The following SLC4A4 variants were observed in gnomAD, a reference collection of about 807,000 sequenced individuals.
The protein encoded by SLC4A4 is electrogenic sodium bicarbonate cotransporter 1.
Under a neutral mutation model 111.5 loss-of-function variants are expected in SLC4A4, and 27 were observed. The ratio of observed to expected loss-of-function variants is 0.24; its 90% confidence interval spans 0.18 to 0.33. The LOEUF is 0.33. Ranked by LOEUF, SLC4A4 falls within the 10% of genes least tolerant of loss-of-function variation. The pLI, the probability that SLC4A4 is intolerant of heterozygous loss-of-function variation, is 1.00. For synonymous variants in SLC4A4, 443 were observed against 463.4 expected, an observed-to-expected ratio of 0.96 and a Z score of 0.57; for missense variants, 909 against 1,315.5, an observed-to-expected ratio of 0.69 and a Z score of 4.78.
chr4:71,365,206 C>T (rs373618286), intron 6 of SLC4A4, among the ~76,000 whole-genome samples: 4 of 152,130 alleles, frequency 2.6e-5, no homozygotes, highest in African/African-American at 9.7e-5. Context: ...ATTCTCTTTG[C>T]GTTTATGCTA....
intron 1 of SLC4A4, among the ~76,000 whole-genome samples, chr4:71,227,281 G>A (rs1452289220): frequency 6.6e-6 from 1 of 152,158 alleles, no homozygotes; most frequent in African/African-American, 2.4e-5. Flanking sequence ...TGTATGGCAT[G>A]GGGATGGTAG....
chr4:71,378,607 G>T (rs984662904), intron 6 of SLC4A4, among the ~76,000 whole-genome samples: 1 of 152,210 alleles, frequency 6.6e-6, no homozygotes, highest in African/African-American at 2.4e-5. Flanking sequence ...CTAAATACTT[G>T]AATTCGTTTG....
chr4:71,255,173 T>C (rs1253389506), intron 2 of SLC4A4, 47 bp from the exon 3 acceptor site: 3 of 1,524,136 alleles, frequency 2.0e-6, no homozygotes, highest in East Asian at 4.5e-5. Flanking sequence ...TTGTCTGCAG[T>C]AGAGAATGTG....
chr4:71,203,957 A>G (rs887096128), intron 1 of SLC4A4, among the ~76,000 whole-genome samples: 12 of 152,206 alleles, frequency 7.9e-5, no homozygotes, highest in Non-Finnish European at 1.6e-4. Context: ...CAGAAGAGGA[A>G]AGATACCTAA....
chr4:71,255,447 T>C (rs1363608139), intron 3 of SLC4A4, 48 bp downstream of exon 3: 7 of 1,582,850 alleles, frequency 4.4e-6, no homozygotes, highest in African/African-American at 1.3e-5. Flanking sequence ...CACTCCCACA[T>C]CTTTGAGAAG....
At chr4:71,226,168 T>C (rs993768263) in intron 1 of SLC4A4, among the ~76,000 whole-genome samples, 4 of 152,208 alleles carry the variant, frequency 2.6e-5, no homozygotes, top group African/African-American at 9.7e-5. Flanking sequence ...GATCTCACTA[T>C]GTTGCATAGG....
rs1728104387 is a variant in SLC4A4, at chr4:71,332,638, G to C, written c.254-6732G>C. Reference sequence around the variant, plus strand: ...TTTTTGTATTTTTAGTAGAGATGGGGTTTCACTGTGGTCTCGATCTCCTGA... The same window carrying C: ...TTTTTGTATTTTTAGTAGAGATGGGCTTTCACTGTGGTCTCGATCTCCTGA... On this transcript the variant is annotated intron_variant, in intron 3 of 25. Transcript: ENST00000264485. 2.0e-5 allele frequency among the ~76,000 whole-genome samples: 3 copies of C among 151,892 alleles called. No homozygotes were observed. In the South Asian group the frequency reaches 6.2e-4, roughly 31 times the overall value.
At chr4:71,383,166 C>G (rs1250121717) in intron 6 of SLC4A4, among the ~76,000 whole-genome samples, 1 of 152,032 alleles carries the variant, frequency 6.6e-6, no homozygotes, top group Admixed American at 6.6e-5. Flanking sequence ...TATATATTGC[C>G]TTCAAATCAG....
In SLC4A4 at chr4:71,557,766, A is replaced by G. The variant is rs371466311; in HGVS notation, c.2818A>G (p.Ile940Val). The change falls in exon 22 of 26, where the codon ATC becomes GTC. Residue 940 changes from isoleucine (I) to valine (V), a missense_variant. Around this residue, in one of 7 missense-constraint regions of SLC4A4, gnomAD observed 104 missense variants for 219.5 expected, o/e 0.47. Coordinates refer to ENST00000264485, the MANE Select transcript of SLC4A4 (RefSeq NM_001098484.3). ...GCCTCTGAAGCATCAGCCTGACTTC[A>G]TCTACCTGCGTCATGTTCCTCTGCG... is the stretch of plus-strand genomic sequence containing the variant. Reference protein sequence around the residue: ...LMPLKHQPDFIYLRHVPLRRV... With the variant: ...LMPLKHQPDFVYLRHVPLRRV... 2 of 1,612,760 alleles carry G rather than the reference A, an allele frequency of 1.2e-6. No individual in the cohort carries two copies. Among genetic ancestry groups the G allele is most frequent in the East Asian group, 2.2e-5 (1 of 44,752 alleles).
chr4:71,067,697 C>T (rs1202435389), intron 1 of SLC4A4, among the ~76,000 whole-genome samples: 1 of 151,948 alleles, frequency 6.6e-6, no homozygotes, highest in African/African-American at 2.4e-5. Flanking sequence ...AAGGAAATAC[C>T]AGGATAGTTC....
chr4:71,154,638 T>A (rs1393000436), intron 2 of SLC4A4, among the ~76,000 whole-genome samples: 1 of 151,948 alleles, frequency 6.6e-6, no homozygotes, highest in Non-Finnish European at 1.5e-5. Flanking sequence ...TAAAGTAAAA[T>A]AAAAAGAAAT....
intron 3 of SLC4A4, among the ~76,000 whole-genome samples, chr4:71,338,886 C>T (rs538984450): frequency 2.2e-3 from 192 of 86,774 alleles, no homozygotes; most frequent in African/African-American, 8.4e-3. Flanking sequence ...GAGAAGCCTG[C>T]GAGGGCATGA....
At chr4:71,182,586 C>T (rs556696933), upstream of SLC4A4, among the ~76,000 whole-genome samples, 35 of 152,244 alleles carry the variant, frequency 2.3e-4, 2 homozygotes, top group African/African-American at 7.7e-4. Context: ...AAAGGAGGAA[C>T]AGCTTTTAAG....
At chr4:71,151,202 C>T (rs779989847) in intron 2 of SLC4A4, among the ~76,000 whole-genome samples, 11 of 152,214 alleles carry the variant, frequency 7.2e-5, no homozygotes, top group Admixed American at 4.6e-4. Context: ...TGGTAGACTG[C>T]GTCTACTGGT....
chr4:71,333,260 A>G (rs192523567), intron 3 of SLC4A4, among the ~76,000 whole-genome samples: 2 of 152,262 alleles, frequency 1.3e-5, no homozygotes, highest in African/African-American at 4.8e-5. Context: ...CCATAAGCCC[A>G]GTAATGCTGT....
chr4:71,067,660 A>G (rs115426568), intron 1 of SLC4A4, among the ~76,000 whole-genome samples: 47 of 152,326 alleles, frequency 3.1e-4, no homozygotes, highest in African/African-American at 1.1e-3. Context: ...TGGATAACCC[A>G]GGCCTAAATA....
intron 2 of SLC4A4, among the ~76,000 whole-genome samples, chr4:71,243,885 G>A (rs1429378517): frequency 6.6e-6 from 1 of 152,128 alleles, no homozygotes; most frequent in Non-Finnish European, 1.5e-5. Flanking sequence ...TAGACCTCAT[G>A]AAATATTATT....
chr4:71,543,224 G>A lies in SLC4A4; in HGVS notation c.2443-3126G>A, dbSNP rs78163457. Among the ~76,000 whole-genome samples the A allele has an allele frequency of 2.0e-3, 310 of 152,226 alleles. 1 individual carries two copies. The highest frequency in any genetic ancestry group is 6.9e-3 in the African/African-American group (286 of 41,580). ...CAGAGAAATCAGTGTGTATGCATAG[G>A]CCTTACAAAAGGAGGTACCTGGTGA... On this transcript the variant is annotated intron_variant, in intron 18 of 25. Transcript: ENST00000264485.
At chr4:71,496,269 G>A (rs1399706862) in intron 15 of SLC4A4, among the ~76,000 whole-genome samples, 1 of 152,074 alleles carries the variant, frequency 6.6e-6, no homozygotes, top group Non-Finnish European at 1.5e-5. Flanking sequence ...GGTAATTCAA[G>A]TAAGTCGGCT....
Sources: gnomAD v4.1 joint callset for allele counts (sites outside exome capture counted in the v4.1 genomes callset) on GRCh38, gnomAD v4.1.1 for gene constraint, gnomAD v4.1.1 regional missense constraint, MANE v1.5 for transcripts, NCBI Gene and HGNC (gene_info 2026-07-23, HGNC 2026-07-21) for gene names.